Variants in PTS observed in about 807,000 individuals in gnomAD.
PTS encodes the protein 6-pyruvoyltetrahydropterin synthase.
PTS carries 23 observed loss-of-function variants against 20.6 expected under a neutral mutation model. The ratio of observed to expected loss-of-function variants is 1.12; its 90% confidence interval spans 0.80 to 1.58. PTS has a LOEUF of 1.58. PTS is among the 40% of genes most tolerant of loss of function. PTS has a pLI of 0.00. For synonymous variants in PTS, 65 were observed against 62.5 expected, an observed-to-expected ratio of 1.04 and a Z score of -0.19; for missense variants, 186 against 182.4, an observed-to-expected ratio of 1.02 and a Z score of -0.11.
chr11:112,232,093 C>G (rs573129118), intron 4 of PTS, among the ~76,000 whole-genome samples: 1 of 152,282 alleles, frequency 6.6e-6, no homozygotes, highest in East Asian at 1.9e-4. Flanking sequence ...CACACACTTT[C>G]ATCAGTAAAA....
In PTS at chr11:112,228,684, A is replaced by G; in HGVS notation, c.163+11A>G. The G allele has an allele frequency of 6.2e-7, 1 of 1,603,914 alleles. No homozygotes were observed. Among genetic ancestry groups the G allele is most frequent in the Non-Finnish European group, 8.5e-7 (1 of 1,171,462 alleles). On this transcript the variant is annotated intron_variant, in intron 2 of 5. Coordinates refer to ENST00000280362, the MANE Select transcript of PTS (RefSeq NM_000317.3). ...GGCACAATTATAAAGGTGAGAGAAAAACTGATGACATTTCAGCCCTTCAAT... is the reference window on the plus strand; with the variant it reads ...GGCACAATTATAAAGGTGAGAGAAAGACTGATGACATTTCAGCCCTTCAAT...
intron 2 of PTS, chr11:112,229,945 C>G: frequency 3.7e-6 from 2 of 542,634 alleles, no homozygotes; most frequent in South Asian, 4.1e-5. Context: ...AATTTACACC[C>G]TTTTCAGCCT....
In PTS at chr11:112,233,784, A is replaced by G. The variant is rs1859977338; in HGVS notation, c.*229A>G. ...CATTTAGAGAGTCTTTTATTTATAA[A>G]TTAAAAATCACTTCATTTTCACAAA... On this transcript the variant is annotated 3_prime_UTR_variant, in exon 6 of 6. Transcript: ENST00000280362. The G allele has an allele frequency of 2.4e-6, 1 of 417,958 alleles. No homozygotes were observed. The allele number at this position is 417,958 out of a possible 1,614,324, so 25.9% of individuals were successfully genotyped here.
chr11:112,226,796 C>T (rs1859871736), intron 1 of PTS, among the ~76,000 whole-genome samples: 2 of 151,894 alleles, frequency 1.3e-5, no homozygotes, highest in African/African-American at 4.8e-5. Context: ...GTGCGGGGCC[C>T]ACACCCGGTT....
chr11:112,230,170 T>G, intron 2 of PTS, 38 bp from the exon 3 acceptor site: 1 of 1,597,260 alleles, frequency 6.3e-7, no homozygotes. Context: ...CTGTTGAAAG[T>G]CATGCTGTTT....
At chr11:112,230,095 C>G (rs1859910410) in intron 2 of PTS, 113 bp from the exon 3 acceptor site, 1 of 1,025,834 alleles carries the variant, frequency 9.7e-7, no homozygotes, top group Non-Finnish European at 1.5e-6. Context: ...CTTTTGGGGA[C>G]AGATCTAATA....
intron 4 of PTS, among the ~76,000 whole-genome samples, chr11:112,232,650 A>T (rs1266822285): frequency 1.3e-5 from 2 of 152,144 alleles, no homozygotes; most frequent in Non-Finnish European, 2.9e-5. Flanking sequence ...ACATATATAT[A>T]TTTTTCCTTC....
intron 2 of PTS, chr11:112,229,520 T>C (rs1300163845): frequency 1.3e-5 from 2 of 152,070 alleles, no homozygotes; most frequent in Non-Finnish European, 2.9e-5. Context: ...GCCTCCCGAG[T>C]AGCTGAGATT....
chr11:112,227,291 C>T (rs947254206), intron 1 of PTS, among the ~76,000 whole-genome samples: 3 of 152,026 alleles, frequency 2.0e-5, no homozygotes, highest in African/African-American at 4.8e-5. Flanking sequence ...GGTTTTGTTT[C>T]GTGCTTGTCA....
intron 2 of PTS, 141 bp downstream of exon 2, chr11:112,228,814 G>T (rs187302071): frequency 2.6e-6 from 2 of 771,902 alleles, no homozygotes; most frequent in Admixed American, 4.7e-5. Context: ...TGGGAGTTCA[G>T]AATGAAAGGA....
chr11:112,230,491 A>G (rs1487388756), intron 3 of PTS, 135 bp from the exon 4 acceptor site: 9 of 875,348 alleles, frequency 1.0e-5, no homozygotes, highest in South Asian at 1.4e-5. Context: ...GCTGAGGTCA[A>G]TGATTATCTC....
chr11:112,232,405 T>G lies in PTS; in HGVS notation c.244-758T>G, dbSNP rs186029248. ...TTTCAATAACTGTTTGATCTAGGAC[T>G]TACTCTTTTTGTATGATTCTAGTTT... On this transcript the variant is annotated intron_variant, in intron 4 of 5. Transcript: ENST00000280362. Among the ~76,000 whole-genome samples, 5 of 152,362 alleles carry G rather than the reference T, an allele frequency of 3.3e-5. No homozygotes were observed. The East Asian group carries it at 9.6e-4, about 29-fold the overall frequency.
At chr11:112,228,760 A>T (rs1859896753) in intron 2 of PTS, 87 bp downstream of exon 2, 1 of 1,194,530 alleles carries the variant, frequency 8.4e-7, no homozygotes, top group African/African-American at 1.5e-5. Context: ...GGGAAAACTT[A>T]CGGACACAGT....
intron 2 of PTS, 150 bp from the exon 3 acceptor site, chr11:112,230,058 T>G: frequency 1.3e-6 from 1 of 780,176 alleles, no homozygotes; most frequent in Non-Finnish European, 2.2e-6. Flanking sequence ...AAATAACAGA[T>G]GTTTTGGGGT....
At chr11:112,227,970 A>C (rs1382603104) in intron 1 of PTS, among the ~76,000 whole-genome samples, 1 of 152,232 alleles carries the variant, frequency 6.6e-6, no homozygotes, top group Non-Finnish European at 1.5e-5. Context: ...GATGGGTATA[A>C]GTATAAACAT....
chr11:112,231,576 ATGT>A (rs1310252271), intron 4 of PTS, among the ~76,000 whole-genome samples: 7 of 152,116 alleles, frequency 4.6e-5, no homozygotes, highest in Non-Finnish European at 8.8e-5. Context: ...GATTAAAATG[ATGT>A]TATTAGTAAT....
chr11:112,231,855 G>C (rs1222493146), intron 4 of PTS, among the ~76,000 whole-genome samples: 1 of 149,334 alleles, frequency 6.7e-6, no homozygotes, highest in Non-Finnish European at 1.5e-5. Flanking sequence ...GGCAGGGGTT[G>C]GGGGGCAGGC....
chr11:112,227,130 AT>A (rs1395624740), intron 1 of PTS, among the ~76,000 whole-genome samples: 1 of 151,454 alleles, frequency 6.6e-6, no homozygotes, highest in Non-Finnish European at 1.5e-5. Flanking sequence ...AATCCCGATC[AT>A]ACATACTGCT....
chr11:112,229,544 A>G (rs1347706881), intron 2 of PTS: 2 of 152,976 alleles, frequency 1.3e-5, no homozygotes, highest in Non-Finnish European at 2.9e-5. Flanking sequence ...GGCGCCCGCC[A>G]CTATGCCTGG....
Sources: gnomAD v4.1 joint callset for allele counts (sites outside exome capture counted in the v4.1 genomes callset) on GRCh38, gnomAD v4.1.1 for gene constraint, MANE v1.5 for transcripts, NCBI Gene and HGNC (gene_info 2026-07-23, HGNC 2026-07-21) for gene names.